MGAT4C: variants seen among roughly 807,000 people sequenced by gnomAD.
MGAT4C encodes MGAT4 family member C.
Under a neutral mutation model 40.1 loss-of-function variants are expected in MGAT4C, and 19 were observed. The ratio of observed to expected loss-of-function variants is 0.47; its 90% CI spans 0.33 to 0.70. The LOEUF (loss-of-function observed/expected upper bound fraction) is 0.70. Among genes scored for constraint, MGAT4C ranks in the 30% least tolerant of loss-of-function variants. The probability of loss-of-function intolerance (pLI) is 0.02; values close to 1 mark genes in which losing one functional copy is unlikely to be tolerated. For missense variants in MGAT4C, 491 were observed against 563.2 expected, an observed-to-expected ratio of 0.87 and a Z score of 1.30; for synonymous variants, 181 against 187.1, an observed-to-expected ratio of 0.97 and a Z score of 0.27.
At chr12:86,603,729 TAATTA>T (rs1269505007) in intron 2 of MGAT4C, among the ~76,000 whole-genome samples, 1 of 133,486 alleles carries the variant, frequency 7.5e-6, no homozygotes, top group Non-Finnish European at 1.6e-5. Context: ...ATATACTATA[TAATTA>T]TATATACTAT....
chr12:85,984,757 C>G (rs1284186280), intron 3 of MGAT4C, among the ~76,000 whole-genome samples: 1 of 151,702 alleles, frequency 6.6e-6, no homozygotes, highest in Non-Finnish European at 1.5e-5. Flanking sequence ...AATGTGCACT[C>G]TACTATGTGG....
At chr12:86,486,478 T>C (rs1346302296) in intron 2 of MGAT4C, among the ~76,000 whole-genome samples, 1 of 145,536 alleles carries the variant, frequency 6.9e-6, no homozygotes, top group Non-Finnish European at 1.5e-5. Context: ...CCACCAACAA[T>C]CAAGAAGGAA....
At chr12:86,014,316 T>A (rs1046999329) in intron 2 of MGAT4C, among the ~76,000 whole-genome samples, 6 of 152,142 alleles carry the variant, frequency 3.9e-5, no homozygotes, top group Non-Finnish European at 8.8e-5. Context: ...GGGAAACTAG[T>A]TTTGGACGTT....
chr12:86,000,737 T>A (rs1887202228), intron 2 of MGAT4C, among the ~76,000 whole-genome samples: 1 of 152,198 alleles, frequency 6.6e-6, no homozygotes. Context: ...GGAGTAAACA[T>A]GAATATGTTG....
chr12:86,148,253 C>G (rs529904949), intron 1 of MGAT4C, among the ~76,000 whole-genome samples: 1 of 152,128 alleles, frequency 6.6e-6, no homozygotes, highest in Non-Finnish European at 1.5e-5. Flanking sequence ...GAAATACCTG[C>G]GTGATGAAAC....
chr12:86,345,156 A>T (rs1162749395), intron 3 of MGAT4C, among the ~76,000 whole-genome samples: 1 of 152,174 alleles, frequency 6.6e-6, no homozygotes, highest in Non-Finnish European at 1.5e-5. Flanking sequence ...TAAGAACATC[A>T]TACATAAAGC....
chr12:86,828,988 G>A (rs1204781154), intron 1 of MGAT4C, among the ~76,000 whole-genome samples: 1 of 151,264 alleles, frequency 6.6e-6, no homozygotes, highest in Non-Finnish European at 1.5e-5. Context: ...AGAATTCTAT[G>A]GTATATAAAT....
intron 2 of MGAT4C, among the ~76,000 whole-genome samples, chr12:86,491,514 C>G (rs1051394362): frequency 6.6e-6 from 1 of 151,894 alleles, no homozygotes; most frequent in East Asian, 1.9e-4. Flanking sequence ...TAAACGTAAT[C>G]CAGCATATAA....
At chr12:86,611,854 G>C (rs1802135417) in intron 2 of MGAT4C, among the ~76,000 whole-genome samples, 1 of 152,068 alleles carries the variant, frequency 6.6e-6, no homozygotes, top group Admixed American at 6.6e-5. Flanking sequence ...CATGTTAACT[G>C]TTTAGTAATA....
chr12:86,126,012 A>T (rs988707942), intron 1 of MGAT4C, among the ~76,000 whole-genome samples: 1 of 152,028 alleles, frequency 6.6e-6, no homozygotes, highest in South Asian at 2.1e-4. Flanking sequence ...AACACACAAG[A>T]TTGAATCTAC....
At chr12:86,344,734 GTGTGTGTGTGTGTGTGTGTGTA>G (rs892286037) in intron 3 of MGAT4C, among the ~76,000 whole-genome samples, 4 of 146,950 alleles carry the variant, frequency 2.7e-5, no homozygotes, top group African/African-American at 1.0e-4. Flanking sequence ...GTGTGTGTGT[GTGTGTGTGTGTGTGTGTGTGTA>G]TGTGTGTGTG....
chr12:86,603,754 AT>A lies in MGAT4C; in HGVS notation c.-229+123454del, dbSNP rs1565878488. The stretch of plus-strand genomic sequence containing the variant: ...TAATTATATATACTATATATTATAT[AT>A]AATATATAGTATAATTATATATACT... On this transcript the variant is annotated intron_variant, in intron 2 of 7. Coordinates refer to the MGAT4C transcript ENST00000548651. Among the ~76,000 whole-genome samples, 4 of 130,268 alleles carry A rather than the reference AT, an allele frequency of 3.1e-5. No individual in the cohort carries two copies. In the East Asian group the frequency reaches 8.5e-4, roughly 28 times the overall value. The allele number at this position is 130,268 out of a possible 152,430, so 85.5% of individuals were successfully genotyped here.
chr12:86,611,125 G>T (rs1962244017), intron 2 of MGAT4C, among the ~76,000 whole-genome samples: 1 of 152,060 alleles, frequency 6.6e-6, no homozygotes, highest in African/African-American at 2.4e-5. Flanking sequence ...GGAAGTATTT[G>T]CTGATGAAGG....
At chr12:86,309,465 G>A (rs1199445276) in intron 4 of MGAT4C, among the ~76,000 whole-genome samples, 2 of 152,246 alleles carry the variant, frequency 1.3e-5, no homozygotes, top group Non-Finnish European at 2.9e-5. Flanking sequence ...TAACATAGTG[G>A]AGGGAAAGAA....
At position 86,399,600 on chromosome 12, in the gene MGAT4C, C is replaced by T. The variant is rs144997544; in HGVS notation, c.-120+35557G>A. On this transcript the variant is annotated intron_variant, in intron 3 of 7. Transcript: ENST00000548651. ...CCGGGCCTGTCCAGTTACATTTCTA[C>T]ACGGTTGTCCTTGCTTCAATCATGT... Among the ~76,000 whole-genome samples, 234 of 152,186 alleles carry T rather than the reference C, an allele frequency of 1.5e-3. 2 individuals carry two copies. Among genetic ancestry groups the T allele is most frequent in the African/African-American group, 5.0e-3 (207 of 41,546 alleles).
chr12:86,787,294 T>G (rs2136189397), intron 1 of MGAT4C, among the ~76,000 whole-genome samples: 1 of 150,870 alleles, frequency 6.6e-6, no homozygotes, highest in African/African-American at 2.4e-5. Flanking sequence ...ACAAGTTCCA[T>G]CCACATTGCC....
intron 2 of MGAT4C, among the ~76,000 whole-genome samples, chr12:86,021,211 C>G (rs1057396524): frequency 6.6e-6 from 1 of 152,060 alleles, no homozygotes; most frequent in Non-Finnish European, 1.5e-5. Flanking sequence ...CTAGAAATAC[C>G]ATTTGACCCA....
intron 2 of MGAT4C, among the ~76,000 whole-genome samples, chr12:86,636,284 C>A (rs1050201923): frequency 2.6e-5 from 4 of 152,018 alleles, no homozygotes; most frequent in African/African-American, 9.7e-5. Flanking sequence ...TGTAGAGTCA[C>A]CTTATTAACT....
intron 2 of MGAT4C, among the ~76,000 whole-genome samples, chr12:86,445,041 T>C (rs1471652384): frequency 1.3e-5 from 2 of 152,150 alleles, no homozygotes; most frequent in Non-Finnish European, 2.9e-5. Flanking sequence ...GGTGGAAGAA[T>C]TGGTGTGAGG....
Sources: gnomAD v4.1 joint callset for allele counts (sites outside exome capture counted in the v4.1 genomes callset) on GRCh38, gnomAD v4.1.1 for gene constraint, MANE v1.5 for transcripts, NCBI Gene and HGNC (gene_info 2026-07-23, HGNC 2026-07-21) for gene names.